Variants in ABCG1 observed in about 807,000 individuals in gnomAD.
ABCG1 encodes ATP-binding cassette sub-family G member 1.
In ABCG1, 29 loss-of-function variants were observed where a neutral mutation model predicts 69.2. The observed-to-expected ratio is 0.42, with a 90% CI of 0.31 to 0.57. The LOEUF (loss-of-function observed/expected upper bound fraction) is 0.57. Ranked by LOEUF, ABCG1 falls within the 20% of genes least tolerant of loss-of-function variation. The pLI is 0.15. For missense variants in ABCG1, 718 were observed against 898.1 expected (o/e 0.80, Z 2.56); for synonymous variants, 370 against 374.8 (o/e 0.99, Z 0.15).
chr21:42,208,885 A>G (rs2067564360), intron 2 of ABCG1, among the ~76,000 whole-genome samples: 1 of 152,168 alleles, frequency 6.6e-6, no homozygotes, highest in Non-Finnish European at 1.5e-5. Context: ...GCAGAAGATA[A>G]TCTCTCTAAT....
chr21:42,251,857 C>T (rs767678772), intron 2 of ABCG1, among the ~76,000 whole-genome samples: 2 of 152,218 alleles, frequency 1.3e-5, no homozygotes, highest in Non-Finnish European at 2.9e-5. Flanking sequence ...CATGTGCAGG[C>T]CCAAAGTCCT....
Position 42,219,222 on chromosome 21 carries a change from CCCGCCGCCG to C in ABCG1, c.-17_-9del, listed in dbSNP as rs2234716. 3.8e-4 allele frequency: 553 copies of C among 1,470,270 alleles called. 1 individual carries two copies. The highest frequency in any genetic ancestry group is 1.3e-3 in the Admixed American group (59 of 45,182). 91.1% of individuals were successfully genotyped at this position (1,470,270 alleles called of 1,614,324 possible). A position where few individuals can be genotyped will look rare whatever the true frequency, so the allele number is the denominator to read the frequency against. On this transcript the variant is annotated 5_prime_UTR_variant, in exon 1 of 15. Transcript: ENST00000398449. This position sits in a 1 kb window ranked among gnomAD's most constrained non-coding sequence, Gnocchi z 5.3. ...TCGGCCCCGCAGCTCAAGCCTCGTC[CCCGCCGCCG>C]CCGCCGCCGCCGCCGCCGCCGCCCC...
intron 1 of ABCG1, among the ~76,000 whole-genome samples, chr21:42,221,462 C>T (rs970022051): frequency 9.9e-5 from 15 of 152,236 alleles, no homozygotes; most frequent in African/African-American, 3.6e-4. Context: ...GTGAGCCAGG[C>T]ACTCGGGGGA....
At chr21:42,223,546 G>T (rs892081446) in intron 1 of ABCG1, among the ~76,000 whole-genome samples, 19 of 152,220 alleles carry the variant, frequency 1.2e-4, no homozygotes, top group Admixed American at 4.6e-4. Context: ...AAGAAGCACA[G>T]CTGAGCTTCT....
At chr21:42,265,864 C>CACG (rs1348924702) in intron 2 of ABCG1, among the ~76,000 whole-genome samples, 1 of 152,202 alleles carries the variant, frequency 6.6e-6, no homozygotes, top group African/African-American at 2.4e-5. Flanking sequence ...CTTAGTGAGG[C>CACG]AGCCCCCTCG....
At chr21:42,294,421 C>G in intron 13 of ABCG1, 121 bp from the exon 14 acceptor site, 1 of 773,152 alleles carries the variant, frequency 1.3e-6, no homozygotes, top group Non-Finnish European at 2.3e-6. Context: ...TAAGCATCAT[C>G]ATTACCCTGC....
chr21:42,280,271 T>G (rs547374353), intron 5 of ABCG1, among the ~76,000 whole-genome samples: 1 of 152,336 alleles, frequency 6.6e-6, no homozygotes, highest in South Asian at 2.1e-4. Context: ...TAGGTCAAAG[T>G]TCTCTCTCTG....
rs2067829876 is a variant in ABCG1 at position 42,227,150 on chromosome 21, A to C, written c.286+1236A>C. On this transcript the variant is annotated intron_variant, in intron 2 of 14. Coordinates refer to ENST00000398449, the MANE Select transcript of ABCG1 (RefSeq NM_016818.3). ...GGTAACTGTATGTCTGTGTTTGCAC[A>C]AGCAGAAACAGATTCAGTACCTTCT... is the stretch of plus-strand genomic sequence containing the variant. Among the ~76,000 whole-genome samples the C allele has an allele frequency of 1.3e-5, 2 of 152,196 alleles. 1 individual carries two copies. The highest frequency in any genetic ancestry group is 4.1e-4 in the South Asian group (2 of 4,824).
At chr21:42,236,333 TGTGTGAACCCAAAA>T (rs139108373) in intron 2 of ABCG1, among the ~76,000 whole-genome samples, 1 of 152,324 alleles carries the variant, frequency 6.6e-6, no homozygotes, top group African/African-American at 2.4e-5. Context: ...CAGTTTTGTG[TGTGTGAACCCAAAA>T]GTGTGATAAC....
intron 2 of ABCG1, among the ~76,000 whole-genome samples, chr21:42,251,856 G>A (rs1020039762): frequency 6.6e-6 from 1 of 152,218 alleles, no homozygotes; most frequent in South Asian, 2.1e-4. Context: ...TCATGTGCAG[G>A]CCCAAAGTCC....
intron 2 of ABCG1, among the ~76,000 whole-genome samples, chr21:42,247,646 T>C (rs2123630175): frequency 6.6e-6 from 1 of 152,328 alleles, no homozygotes. Context: ...AACCTGTAAA[T>C]GTGACCTTAT....
intron 2 of ABCG1, chr21:42,259,611 C>G: frequency 6.9e-7 from 1 of 1,442,176 alleles, no homozygotes; most frequent in South Asian, 1.5e-5. Flanking sequence ...ACCTTGTTTC[C>G]TAACTGTCAC....
Position 42,273,243 on chromosome 21 carries a change from C to T in ABCG1, c.405-60C>T, listed in dbSNP as rs1472723221. 18 of 1,570,560 alleles carry T rather than the reference C, an allele frequency of 1.1e-5. No individual in the cohort carries two copies. Among genetic ancestry groups the T allele is most frequent in the Non-Finnish European group, 1.6e-5 (18 of 1,158,220 alleles). On this transcript the variant is annotated intron_variant, in intron 3 of 14. Transcript: ENST00000398449. The surrounding 1 kb of genome is among the most constrained non-coding windows in gnomAD (Gnocchi z 5.3). Reference sequence around the variant, plus strand: ...CGTCTCTGGCTCCCCTCTCCTGCCCCGGGAGGTGGAGGAGGAGCAGGAGCC... The same window carrying T: ...CGTCTCTGGCTCCCCTCTCCTGCCCTGGGAGGTGGAGGAGGAGCAGGAGCC...
chr21:42,283,180 A>G (rs1467974413), intron 6 of ABCG1, among the ~76,000 whole-genome samples: 1 of 152,162 alleles, frequency 6.6e-6, no homozygotes, highest in Non-Finnish European at 1.5e-5. Context: ...AAGTCCAGCG[A>G]GATTTGACAG....
chr21:42,262,297 C>CT (rs2068427631), intron 2 of ABCG1, among the ~76,000 whole-genome samples: 1 of 152,120 alleles, frequency 6.6e-6, no homozygotes, highest in African/African-American at 2.4e-5. Flanking sequence ...AAGAATTCTT[C>CT]TTTTTTCTGA....
chr21:42,272,282 G>A (rs1324452284), intron 3 of ABCG1, among the ~76,000 whole-genome samples: 1 of 152,174 alleles, frequency 6.6e-6, no homozygotes, highest in Admixed American at 6.5e-5. Flanking sequence ...TGCAGGGGTG[G>A]CTGTTTCTCA....
rs1232550800 is a variant in ABCG1 at position 42,297,230 on chromosome 21, T to G, written c.*838T>G. On this transcript the variant is annotated 3_prime_UTR_variant, in exon 15 of 15. Coordinates refer to ENST00000398449, the MANE Select transcript of ABCG1 (RefSeq NM_016818.3). ...TTCTTATTTTAAGCGAAATATATTG[T>G]TTGTTTCTTCCTAACTTTCTGACTA... 1.3e-5 allele frequency: 2 copies of G among 152,256 alleles called. No individual in the cohort carries two copies. Among genetic ancestry groups the G allele is most frequent in the African/African-American group, 4.8e-5 (2 of 41,466 alleles). The allele number at this position is 152,256 out of a possible 1,614,324, so 9.4% of individuals were successfully genotyped here.
intron 11 of ABCG1, among the ~76,000 whole-genome samples, chr21:42,290,799 C>G (rs914189): frequency 0.25 from 37,838 of 152,110 alleles, 5,139 homozygotes; most frequent in African/African-American, 0.36. Flanking sequence ...TCAGAAGAGG[C>G]AGACTCAGGA....
chr21:42,282,702 T>A (rs1231878207), intron 6 of ABCG1, among the ~76,000 whole-genome samples: 2 of 152,222 alleles, frequency 1.3e-5, no homozygotes, highest in Non-Finnish European at 2.9e-5. Flanking sequence ...TGACACCAAG[T>A]TCCCCGTGGC....
Sources: gnomAD v4.1 joint callset for allele counts (sites outside exome capture counted in the v4.1 genomes callset) on GRCh38, gnomAD v4.1.1 for gene constraint, Gnocchi (gnomAD v3.1) non-coding constraint, MANE v1.5 for transcripts, NCBI Gene and HGNC (gene_info 2026-07-23, HGNC 2026-07-21) for gene names.